Variants in OXCT1 observed in about 807,000 individuals in gnomAD.
OXCT1 encodes the protein succinyl-CoA:3-ketoacid coenzyme A transferase 1, mitochondrial.
A neutral mutation model predicts 69.6 loss-of-function variants in OXCT1; 27 were observed. That is an observed-to-expected ratio of 0.39 (90% CI 0.29 to 0.54). The LOEUF (loss-of-function observed/expected upper bound fraction) is 0.54, where lower values mean the gene tolerates loss of function less well. OXCT1 is among the 20% of genes least tolerant of loss of function. The pLI, the probability that OXCT1 is intolerant of heterozygous loss-of-function variation, is 0.72. For synonymous variants in OXCT1, 202 were observed against 217.8 expected (o/e 0.93, Z 0.64); for missense variants, 437 against 650.2 (o/e 0.67, Z 3.57).
At chr5:41,806,940 A>G (rs1420541805) in intron 8 of OXCT1, among the ~76,000 whole-genome samples, 1 of 152,060 alleles carries the variant, frequency 6.6e-6, no homozygotes, top group Non-Finnish European at 1.5e-5. Context: ...AGTGCAAAGC[A>G]CCTTCAAGAC....
intron 7 of OXCT1, among the ~76,000 whole-genome samples, chr5:41,827,938 C>T (rs1747889119): frequency 6.6e-6 from 1 of 152,146 alleles, no homozygotes; most frequent in African/African-American, 2.4e-5. Context: ...ATAGGGCCCT[C>T]CCAAACCCCA....
chr5:41,810,568 G>GA (rs1009017091), intron 7 of OXCT1, among the ~76,000 whole-genome samples: 1 of 152,016 alleles, frequency 6.6e-6, no homozygotes, highest in African/African-American at 2.4e-5. Flanking sequence ...GTCATTAACA[G>GA]AAAAATAGAC....
At chr5:41,743,223 T>C (rs2112016637) in intron 15 of OXCT1, among the ~76,000 whole-genome samples, 1 of 152,370 alleles carries the variant, frequency 6.6e-6, no homozygotes, top group Admixed American at 6.5e-5. Flanking sequence ...ATTTCTCTGA[T>C]GGCCAGTGAT....
In OXCT1 at chr5:41,821,523, A is replaced by T. The variant is rs1579809758; in HGVS notation, c.733-14085T>A. Among the ~76,000 whole-genome samples the T allele has an allele frequency of 2.0e-5, 3 of 152,250 alleles. No homozygotes were observed. The South Asian group carries it at 6.2e-4, about 31-fold the overall frequency. On this transcript the variant is annotated intron_variant, in intron 7 of 16. Coordinates refer to ENST00000196371, the MANE Select transcript of OXCT1 (RefSeq NM_000436.4). Reference sequence around the variant, plus strand: ...GTAAGAGTTTGTTTATTTGTATAAGAAAACACCAAACTGCGAAAGAAGCTG... The same window carrying T: ...GTAAGAGTTTGTTTATTTGTATAAGTAAACACCAAACTGCGAAAGAAGCTG...
chr5:41,810,278 T>G (rs1441280148), intron 7 of OXCT1, among the ~76,000 whole-genome samples: 1 of 152,028 alleles, frequency 6.6e-6, no homozygotes, highest in Non-Finnish European at 1.5e-5. Flanking sequence ...TAAAATGAGC[T>G]GGTTAGGACA....
intron 7 of OXCT1, among the ~76,000 whole-genome samples, chr5:41,807,948 C>A (rs923140730): frequency 2.6e-5 from 4 of 151,890 alleles, no homozygotes; most frequent in Admixed American, 6.6e-5. Context: ...TTCCTAGGAT[C>A]GTGATACAAC....
chr5:41,825,317 C>A (rs912066735), intron 7 of OXCT1, among the ~76,000 whole-genome samples: 1 of 151,978 alleles, frequency 6.6e-6, no homozygotes, highest in Non-Finnish European at 1.5e-5. Context: ...AAAAGCTGAA[C>A]CAGAGAAGGT....
chr5:41,824,087 C>G lies in OXCT1; in HGVS notation c.732+16364G>C, dbSNP rs138667634. On this transcript the variant is annotated intron_variant, in intron 7 of 16. Transcript: ENST00000196371. ...AATGTAAAATGCACCTCAAAATATA[C>G]CAACCGTCATTTGTTTTTGCTTCAG... is the stretch of plus-strand genomic sequence containing the variant. 1.9e-3 allele frequency among the ~76,000 whole-genome samples: 284 copies of G among 152,242 alleles called. 4 individuals are homozygous for G. The highest frequency in any genetic ancestry group is 6.4e-3 in the African/African-American group (266 of 41,548).
At position 41,805,641 on chromosome 5, in the gene OXCT1, G is replaced by C; in HGVS notation, c.881C>G (p.Ser294Cys). 1 of 1,612,932 alleles carries C rather than the reference G, an allele frequency of 6.2e-7. No homozygotes were observed. The highest frequency in any genetic ancestry group is 8.5e-7 in the Non-Finnish European group (1 of 1,179,216). ...CCTTACGTCATCTCCAGGTTTAGCA[G>C]ATTTGGCTTCCCCATCTCCCTCTTT... is the stretch of plus-strand genomic sequence containing the variant. ...IRKEGDGEAK[S>C]AKPGDDVRER... Residue 294 changes from serine (S) to cysteine (C), a missense_variant, in exon 9 of 17, where the codon TCT (serine) becomes TGT (cysteine). This residue lies in a region of OXCT1 where 252 missense variants were observed against 397.4 expected (regional missense o/e 0.63). Transcript: ENST00000196371.
chr5:41,797,327 T>C (rs1354932279), intron 11 of OXCT1, among the ~76,000 whole-genome samples: 1 of 152,202 alleles, frequency 6.6e-6, no homozygotes, highest in African/African-American at 2.4e-5. Flanking sequence ...AAAATCATTA[T>C]CAAGGCCTCT....
At chr5:41,835,453 T>C (rs1017644347) in intron 7 of OXCT1, among the ~76,000 whole-genome samples, 5 of 152,172 alleles carry the variant, frequency 3.3e-5, no homozygotes, top group African/African-American at 9.7e-5. Flanking sequence ...CTTTTGAAAA[T>C]AATTTTCTAT....
At chr5:41,829,226 A>G (rs957569662) in intron 7 of OXCT1, among the ~76,000 whole-genome samples, 6 of 152,186 alleles carry the variant, frequency 3.9e-5, no homozygotes, top group African/African-American at 1.4e-4. Context: ...AATAAGGACT[A>G]TGAAGTATCA....
intron 14 of OXCT1, among the ~76,000 whole-genome samples, chr5:41,760,519 G>A (rs1343671666): frequency 6.6e-6 from 1 of 151,900 alleles, no homozygotes; most frequent in Admixed American, 6.6e-5. Flanking sequence ...AAAGGACTTG[G>A]GTGGAAGAAA....
At chr5:41,787,818 C>T (rs1290175980) in intron 13 of OXCT1, among the ~76,000 whole-genome samples, 1 of 151,814 alleles carries the variant, frequency 6.6e-6, no homozygotes, top group Non-Finnish European at 1.5e-5. Context: ...CTCAACTAAT[C>T]TTAACACAGC....
Position 41,762,748 on chromosome 5 carries a change from T to C in OXCT1, c.1249-548A>G, listed in dbSNP as rs1233888133. Among the ~76,000 whole-genome samples the C allele has an allele frequency of 6.6e-6, 1 of 152,058 alleles. No homozygotes were observed. Among genetic ancestry groups the C allele is most frequent in the African/African-American group, 2.4e-5 (1 of 41,440 alleles). ...GGCATTTATCTTGCGCTTAGAAAAA[T>C]AAAATAAAAAACATTCTTGCTAAGC... On this transcript the variant is annotated intron_variant, in intron 13 of 16. Coordinates refer to ENST00000196371, the MANE Select transcript of OXCT1 (RefSeq NM_000436.4). The surrounding 1 kb of genome is among the most constrained non-coding windows in gnomAD (Gnocchi z 4.0).
At chr5:41,861,632 A>T (rs1357513626) in intron 2 of OXCT1, among the ~76,000 whole-genome samples, 1 of 152,226 alleles carries the variant, frequency 6.6e-6, no homozygotes, top group Non-Finnish European at 1.5e-5. Context: ...AACCACAAGT[A>T]TAAGCCAAGT....
chr5:41,782,935 C>A (rs1745479938), intron 13 of OXCT1, among the ~76,000 whole-genome samples: 1 of 152,132 alleles, frequency 6.6e-6, no homozygotes, highest in Non-Finnish European at 1.5e-5. Flanking sequence ...AGGTTTTCTG[C>A]AATTAACATT....
intron 7 of OXCT1, among the ~76,000 whole-genome samples, chr5:41,821,189 T>TA (rs1209671087): frequency 6.6e-6 from 1 of 152,206 alleles, no homozygotes; most frequent in Non-Finnish European, 1.5e-5. Flanking sequence ...CAAAGCCAAT[T>TA]ACCTGTCTCC....
intron 16 of OXCT1, among the ~76,000 whole-genome samples, chr5:41,738,049 C>T (rs373311381): frequency 2.4e-4 from 36 of 151,250 alleles, no homozygotes; most frequent in East Asian, 1.2e-3. Context: ...AACAAGACTC[C>T]GTCTTAAAAA....
Sources: gnomAD v4.1 joint callset for allele counts (sites outside exome capture counted in the v4.1 genomes callset) on GRCh38, gnomAD v4.1.1 for gene constraint, gnomAD v4.1.1 regional missense constraint, Gnocchi (gnomAD v3.1) non-coding constraint, MANE v1.5 for transcripts, NCBI Gene and HGNC (gene_info 2026-07-23, HGNC 2026-07-21) for gene names.